ARHGEF11: variants seen among roughly 807,000 people sequenced by gnomAD.
ARHGEF11 encodes the protein Rho guanine nucleotide exchange factor 11, also known as Rho guanine exchange factor (GEF) 11.
ARHGEF11 carries 55 observed loss-of-function variants against 193.7 expected under a neutral mutation model. The ratio of observed to expected loss-of-function variants is 0.28; its 90% CI spans 0.23 to 0.36. ARHGEF11 has a LOEUF of 0.36. Ranked by LOEUF, ARHGEF11 falls within the 10% of genes least tolerant of loss-of-function variation. The pLI is 1.00. For missense variants in ARHGEF11, 1,723 were observed against 2,005.6 expected, an observed-to-expected ratio of 0.86 and a Z score of 2.69; for synonymous variants, 693 against 768.0, an observed-to-expected ratio of 0.90 and a Z score of 1.62.
intron 21 of ARHGEF11, among the ~76,000 whole-genome samples, 195 bp from the exon 22 acceptor site, chr1:156,951,894 T>C (rs1012015225): frequency 1.3e-5 from 2 of 152,134 alleles, no homozygotes; most frequent in Non-Finnish European, 2.9e-5. Context: ...GCAGTCACAC[T>C]ACCTTTCTGG....
intron 11 of ARHGEF11, among the ~76,000 whole-genome samples, chr1:156,964,666 C>T (rs1234487485): frequency 6.6e-6 from 1 of 152,180 alleles, no homozygotes; most frequent in Non-Finnish European, 1.5e-5. Flanking sequence ...GAGTCTAACA[C>T]TCATTTATAA....
intron 31 of ARHGEF11, 76 bp downstream of exon 31, chr1:156,944,282 C>T (rs1447493490): frequency 1.3e-6 from 2 of 1,517,076 alleles, no homozygotes; most frequent in Non-Finnish European, 1.8e-6. Context: ...TGTTTCCATG[C>T]TTGGGAAAGA....
At chr1:156,996,162 C>T (rs1185161599) in intron 1 of ARHGEF11, among the ~76,000 whole-genome samples, 1 of 152,138 alleles carries the variant, frequency 6.6e-6, no homozygotes, top group African/African-American at 2.4e-5. Context: ...GCGGAGAGTA[C>T]CACTGGTGAC....
chr1:156,963,218 C>T lies in ARHGEF11; in HGVS notation c.1125G>A (p.Ala375=), dbSNP rs1360345857. The T allele has an allele frequency of 6.2e-6, 10 of 1,613,604 alleles. No individual in the cohort carries two copies. The highest frequency in any genetic ancestry group is 2.2e-5 in the East Asian group (1 of 44,892). Residue 375 remains alanine (A), a synonymous_variant, in exon 13 of 41, where the codon GCG becomes GCA. Coordinates refer to ENST00000368194, the MANE Select transcript of ARHGEF11 (RefSeq NM_198236.3). ...TCTGACTTACCAGTGGACTGGGGTC[C>T]GCCTGAGAGAAGATGTAACGTAGAA... ...GVFLRYIFSQ[A]DPSPLLFYLC...
rs577995781 is a variant in ARHGEF11 at position 156,938,319 on chromosome 1, T to C, written c.4192+99A>G. Reference sequence around the variant, plus strand: ...CATTCCAGGCAGCTGAGGGAGCTTGTGGGTGTGTGTGTGACCATGGGCAGG... The same window carrying C: ...CATTCCAGGCAGCTGAGGGAGCTTGCGGGTGTGTGTGTGACCATGGGCAGG... On this transcript the variant is annotated intron_variant, in intron 38 of 40. Transcript: ENST00000368194. The C allele has an allele frequency of 2.1e-5, 23 of 1,096,732 alleles. No individual in the cohort carries two copies. In the African/African-American group the frequency reaches 3.6e-4, roughly 17 times the overall value. The allele number at this position is 1,096,732 out of a possible 1,614,324, so 67.9% of individuals were successfully genotyped here. A position where few individuals can be genotyped will look rare whatever the true frequency, so the allele number is the denominator to read the frequency against.
intron 37 of ARHGEF11, chr1:156,939,206 C>A: frequency 3.2e-6 from 1 of 308,902 alleles, no homozygotes; most frequent in South Asian, 3.2e-5. Flanking sequence ...TCCCTGGGAA[C>A]AGGAGATCAG....
intron 2 of ARHGEF11, among the ~76,000 whole-genome samples, chr1:156,985,169 G>A (rs1664743515): frequency 6.6e-6 from 1 of 152,128 alleles, no homozygotes; most frequent in Non-Finnish European, 1.5e-5. Flanking sequence ...GTGGGTTCTA[G>A]AGTTAAAACA....
At chr1:156,947,529 TTCCCA>T in intron 25 of ARHGEF11, 79 bp from the exon 26 acceptor site, 1 of 1,453,744 alleles carries the variant, frequency 6.9e-7, no homozygotes, top group Non-Finnish European at 9.1e-7. Context: ...CCTGACCTGG[TTCCCA>T]CACCACTCTA....
intron 1 of ARHGEF11, among the ~76,000 whole-genome samples, chr1:156,989,406 C>T (rs1665400098): frequency 6.6e-6 from 1 of 152,196 alleles, no homozygotes; most frequent in Non-Finnish European, 1.5e-5. Flanking sequence ...TCCACCACCA[C>T]AGACTAACTT....
intron 1 of ARHGEF11, among the ~76,000 whole-genome samples, chr1:157,008,362 G>A (rs1057506762): frequency 4.0e-5 from 6 of 151,468 alleles, no homozygotes; most frequent in Admixed American, 2.0e-4. Context: ...TCATGATGGG[G>A]TTGGTGTCCT....
intron 17 of ARHGEF11, 148 bp from the exon 18 acceptor site, chr1:156,957,963 T>C: frequency 2.8e-6 from 2 of 716,254 alleles, no homozygotes; most frequent in Non-Finnish European, 4.9e-6. Context: ...CACAAGTATT[T>C]GGTACATAGC....
chr1:156,955,053 T>A (rs986527190), intron 20 of ARHGEF11, 132 bp from the exon 21 acceptor site: 10 of 743,948 alleles, frequency 1.3e-5, no homozygotes, highest in Middle Eastern at 3.7e-4. Context: ...TCTAGAAGAA[T>A]CTCTTTCCGT....
At chr1:156,960,524 T>C in intron 14 of ARHGEF11, 64 bp from the exon 15 acceptor site, 2 of 1,538,928 alleles carry the variant, frequency 1.3e-6, no homozygotes, top group Non-Finnish European at 1.8e-6. Context: ...ATGAGCAGTG[T>C]GCAAGGCGAG....
At chr1:156,959,703 C>A (rs1215119482) in intron 15 of ARHGEF11, among the ~76,000 whole-genome samples, 1 of 152,188 alleles carries the variant, frequency 6.6e-6, no homozygotes, top group African/African-American at 2.4e-5. Context: ...GTCACATGTG[C>A]CCGTAAATCA....
chr1:156,985,930 A>T, intron 2 of ARHGEF11, 152 bp downstream of exon 2: 1 of 605,816 alleles, frequency 1.7e-6, no homozygotes, highest in South Asian at 1.9e-5. Flanking sequence ...ATTGATGCTG[A>T]ACTTAGTACA....
In ARHGEF11 at chr1:156,969,356, G is replaced by C; in HGVS notation, c.751C>G (p.Arg251Gly). The C allele has an allele frequency of 6.2e-7, 1 of 1,604,802 alleles. No individual in the cohort carries two copies. Among genetic ancestry groups the C allele is most frequent in the Non-Finnish European group, 8.5e-7 (1 of 1,175,148 alleles). Residue 251 changes from arginine (R) to glycine (G), a missense_variant and splice_region_variant, in exon 10 of 41, where the codon CGG becomes GGG. Arg to Gly is a moderately radical substitution (Grantham distance 125, BLOSUM62 -2). Coordinates refer to ENST00000368194, the MANE Select transcript of ARHGEF11 (RefSeq NM_198236.3). ...CCCTCCTGGGAATCCAGAGAGAGCCGGCCTGAGAAGAAAATAGTTTCTATA... is the reference window on the plus strand; with the variant it reads ...CCCTCCTGGGAATCCAGAGAGAGCCCGCCTGAGAAGAAAATAGTTTCTATA... Reference protein sequence around the residue: ...GDTSQRPSEGRLSLDSQEGDS... With the variant: ...GDTSQRPSEGGLSLDSQEGDS...
intron 1 of ARHGEF11, among the ~76,000 whole-genome samples, chr1:157,009,142 T>C (rs1265702579): frequency 1.3e-5 from 2 of 152,196 alleles, no homozygotes; most frequent in East Asian, 3.8e-4. Flanking sequence ...CTCTGCACAT[T>C]TTTAAAAACC....
At chr1:156,956,280 C>T (rs982873888) in intron 19 of ARHGEF11, 140 bp downstream of exon 19, 3 of 854,796 alleles carry the variant, frequency 3.5e-6, no homozygotes, top group Non-Finnish European at 3.6e-6. Flanking sequence ...CTATGCTGGA[C>T]TAATTTTTGT....
intron 1 of ARHGEF11, among the ~76,000 whole-genome samples, chr1:157,003,863 C>T (rs1667494898): frequency 2.0e-5 from 3 of 152,158 alleles, no homozygotes. Flanking sequence ...AACTATTACA[C>T]GGGATTGTTA....
Sources: allele counts gnomAD v4.1 joint callset (sites outside exome capture counted in the v4.1 genomes callset), GRCh38; gene constraint gnomAD v4.1.1; transcripts MANE v1.5; gene names NCBI Gene and HGNC (gene_info 2026-07-23, HGNC 2026-07-21).